The following EDIL3 variants were observed in gnomAD, a reference collection of about 807,000 sequenced individuals.
The protein encoded by EDIL3 is EGF-like repeat and discoidin I-like domain-containing protein 3.
In EDIL3, 37 loss-of-function variants were observed where a neutral mutation model predicts 67.4. That is an observed-to-expected ratio of 0.55 (90% CI 0.42 to 0.72). The LOEUF is 0.72. Ranked by LOEUF, EDIL3 falls within the 30% of genes least tolerant of loss-of-function variation. The pLI is 0.00. For synonymous variants in EDIL3, 195 were observed against 196.3 expected (o/e 0.99, Z 0.05); for missense variants, 527 against 586.3 (o/e 0.90, Z 1.04).
rs182107132 is a variant in EDIL3 at position 84,329,290 on chromosome 5, G to A, written c.67+55018C>T. On this transcript the variant is annotated intron_variant, in intron 1 of 10. Transcript: ENST00000296591. ...CAAGGAAGACTGGAAAACAGGAAAA[G>A]TAAAGTAAAAGTTTGACAGTTTCCA... 1.5e-3 allele frequency among the ~76,000 whole-genome samples: 230 copies of A among 152,134 alleles called. 2 individuals carry two copies. Among genetic ancestry groups the A allele is most frequent in the African/African-American group, 5.2e-3 (216 of 41,538 alleles).
chr5:84,343,213 CTTTTT>C (rs529927011), intron 1 of EDIL3, among the ~76,000 whole-genome samples: 1 of 148,176 alleles, frequency 6.7e-6, no homozygotes, highest in Non-Finnish European at 1.5e-5. Flanking sequence ...CTGCTAATAC[CTTTTT>C]TTTTTAAGTA....
chr5:84,166,230 C>T (rs962455682), intron 4 of EDIL3, among the ~76,000 whole-genome samples: 1 of 152,132 alleles, frequency 6.6e-6, no homozygotes, highest in Non-Finnish European at 1.5e-5. Context: ...GATGAGGTAC[C>T]GTGTTCCTCA....
At chr5:84,013,303 T>C (rs1409022782) in intron 9 of EDIL3, among the ~76,000 whole-genome samples, 2 of 152,102 alleles carry the variant, frequency 1.3e-5, no homozygotes, top group East Asian at 3.8e-4. Flanking sequence ...AGAAACATTG[T>C]TCCTTACAAA....
intron 9 of EDIL3, among the ~76,000 whole-genome samples, chr5:84,057,324 C>T (rs1746465304): frequency 6.6e-6 from 1 of 152,046 alleles, no homozygotes; most frequent in Non-Finnish European, 1.5e-5. Context: ...TTTATCTTTC[C>T]AAAGAAATAT....
At chr5:84,312,989 A>G (rs1347329242) in intron 1 of EDIL3, among the ~76,000 whole-genome samples, 2 of 152,252 alleles carry the variant, frequency 1.3e-5, no homozygotes, top group Non-Finnish European at 2.9e-5. Context: ...CAAATCTCAG[A>G]AAAGTGTTTT....
chr5:84,331,035 G>A (rs1053890378), intron 1 of EDIL3, among the ~76,000 whole-genome samples: 3 of 152,164 alleles, frequency 2.0e-5, no homozygotes, highest in African/African-American at 7.2e-5. Context: ...ATTGGATATT[G>A]GACTTGCATG....
At chr5:84,346,782 A>G (rs535767177) in intron 1 of EDIL3, among the ~76,000 whole-genome samples, 6 of 151,148 alleles carry the variant, frequency 4.0e-5, no homozygotes, top group East Asian at 1.9e-4. Flanking sequence ...CTAGAAACTA[A>G]TAAGATGTAT....
At position 84,055,411 on chromosome 5, in the gene EDIL3, G is replaced by A. The variant is rs1164791412; in HGVS notation, c.1137+4889C>T. Among the ~76,000 whole-genome samples, 7 of 146,428 alleles carry A rather than the reference G, an allele frequency of 4.8e-5. 1 individual carries two copies. Among genetic ancestry groups the A allele is most frequent in the African/African-American group, 1.3e-4 (5 of 37,240 alleles). The stretch of plus-strand genomic sequence containing the variant: ...ACATAGGCATGGGCAAGGACTTCAT[G>A]TCTAAAACACCAAAAGCAATGGCAA... On this transcript the variant is annotated intron_variant, in intron 9 of 10. Transcript: ENST00000296591.
At chr5:84,062,171 G>GA (rs965226775) in intron 8 of EDIL3, among the ~76,000 whole-genome samples, 12 of 151,622 alleles carry the variant, frequency 7.9e-5, no homozygotes, top group African/African-American at 2.7e-4. Flanking sequence ...TATTCTGGGT[G>GA]AAAAAAAAGT....
intron 6 of EDIL3, among the ~76,000 whole-genome samples, chr5:84,103,072 T>C (rs1747397089): frequency 6.6e-6 from 1 of 152,196 alleles, no homozygotes; most frequent in East Asian, 1.9e-4. Context: ...GTTGCACACC[T>C]ACAACCATCT....
chr5:84,352,369 G>C (rs1747378866), intron 1 of EDIL3, among the ~76,000 whole-genome samples: 1 of 152,108 alleles, frequency 6.6e-6, no homozygotes. Context: ...CAATAGCAAA[G>C]TCATGGAATC....
At chr5:84,329,728 AATAATG>A (rs1746833616) in intron 1 of EDIL3, among the ~76,000 whole-genome samples, 1 of 152,102 alleles carries the variant, frequency 6.6e-6, no homozygotes, top group South Asian at 2.1e-4. Flanking sequence ...CTTTTATTAC[AATAATG>A]ATAAAGATAA....
At chr5:84,110,282 A>T (rs971512863) in intron 5 of EDIL3, among the ~76,000 whole-genome samples, 1 of 152,174 alleles carries the variant, frequency 6.6e-6, no homozygotes, top group Admixed American at 6.5e-5. Context: ...AATCAAATGG[A>T]TGTCATCACA....
intron 3 of EDIL3, among the ~76,000 whole-genome samples, chr5:84,192,341 A>G (rs1341183904): frequency 2.6e-5 from 4 of 151,940 alleles, no homozygotes; most frequent in Admixed American, 2.6e-4. Context: ...AACTAATCTT[A>G]TGTCTTCAGT....
chr5:84,080,532 TC>T (rs1746946006), intron 6 of EDIL3, among the ~76,000 whole-genome samples: 1 of 152,156 alleles, frequency 6.6e-6, no homozygotes, highest in African/African-American at 2.4e-5. Flanking sequence ...TTGTGTTTGT[TC>T]CCCAATCTGT....
intron 9 of EDIL3, among the ~76,000 whole-genome samples, chr5:83,972,949 T>G (rs907045177): frequency 1.3e-5 from 2 of 152,100 alleles, no homozygotes; most frequent in African/African-American, 4.8e-5. Context: ...TATAAGTAAC[T>G]AAAATTGACA....
At chr5:84,205,849 C>T (rs1240843568) in intron 3 of EDIL3, among the ~76,000 whole-genome samples, 2 of 149,946 alleles carry the variant, frequency 1.3e-5, no homozygotes, top group East Asian at 3.9e-4. Context: ...TTTGTTGATC[C>T]TTTCAAAAAA....
At chr5:84,036,988 C>T (rs1340350010) in intron 9 of EDIL3, among the ~76,000 whole-genome samples, 1 of 152,134 alleles carries the variant, frequency 6.6e-6, no homozygotes, top group Non-Finnish European at 1.5e-5. Context: ...CAGGGCCTCA[C>T]AAGAGGTAAC....
chr5:83,951,921 T>A (rs934392095), intron 10 of EDIL3, among the ~76,000 whole-genome samples: 1 of 151,770 alleles, frequency 6.6e-6, no homozygotes, highest in Non-Finnish European at 1.5e-5. Flanking sequence ...CAAGCTGGCA[T>A]AGGCAATACT....
Sources: gnomAD v4.1 joint callset for allele counts (sites outside exome capture counted in the v4.1 genomes callset) on GRCh38, gnomAD v4.1.1 for gene constraint, MANE v1.5 for transcripts, NCBI Gene and HGNC (gene_info 2026-07-23, HGNC 2026-07-21) for gene names.